The following PTPRD variants were observed in gnomAD, a reference collection of about 807,000 sequenced individuals.
PTPRD encodes protein tyrosine phosphatase receptor type D.
PTPRD carries 34 observed loss-of-function variants against 214.5 expected under a neutral mutation model. The ratio of observed to expected loss-of-function variants is 0.16; its 90% confidence interval spans 0.12 to 0.21. The LOEUF (loss-of-function observed/expected upper bound fraction) is 0.21. Ranked by LOEUF, PTPRD falls within the 10% of genes least tolerant of loss-of-function variation. The probability of loss-of-function intolerance (pLI) is 1.00; values close to 1 mark genes in which losing one functional copy is unlikely to be tolerated. For missense variants in PTPRD, 2,545 were observed against 2,398.7 expected, an observed-to-expected ratio of 1.06 and a Z score of -1.27; for synonymous variants, 1,128 against 845.7, an observed-to-expected ratio of 1.33 and a Z score of -5.79.
At chr9:10,416,484 A>C (rs6474546) in intron 2 of PTPRD, among the ~76,000 whole-genome samples, 85,490 of 151,490 alleles carry the variant, frequency 0.56, 26,354 homozygotes, top group Non-Finnish European at 0.71. Context: ...AACAAATGTT[A>C]AAAGAAATAG....
At chr9:9,429,956 G>A (rs548424768) in intron 8 of PTPRD, among the ~76,000 whole-genome samples, 20 of 152,250 alleles carry the variant, frequency 1.3e-4, no homozygotes, top group Admixed American at 1.2e-3. Context: ...TACTGAATGG[G>A]CAAAAACTGG....
In PTPRD at chr9:10,097,218, C is replaced by T. The variant is rs560532739; in HGVS notation, c.-544-63428G>A. 2.7e-5 allele frequency among the ~76,000 whole-genome samples: 4 copies of T among 149,220 alleles called. No homozygotes were observed. In the East Asian group the frequency reaches 6.0e-4, roughly 22 times the overall value. On this transcript the variant is annotated intron_variant, in intron 3 of 45. Coordinates refer to ENST00000381196, the MANE Select transcript of PTPRD (RefSeq NM_002839.4). ...TTGGCTTAGGATTGACTTGGTAATG[C>T]GGGCTCTTTTTTGGTTCCATATGAA...
At chr9:9,739,277 A>T (rs1339098485) in intron 6 of PTPRD, among the ~76,000 whole-genome samples, 2 of 152,220 alleles carry the variant, frequency 1.3e-5, no homozygotes, top group African/African-American at 4.8e-5. Flanking sequence ...AACCACTGCT[A>T]CTAAGTGTGA....
intron 11 of PTPRD, among the ~76,000 whole-genome samples, chr9:8,973,504 T>C (rs1374926991): frequency 2.0e-5 from 3 of 152,132 alleles, no homozygotes; most frequent in African/African-American, 7.2e-5. Context: ...TTTGCCATTA[T>C]GAATTGTGTT....
intron 2 of PTPRD, among the ~76,000 whole-genome samples, chr9:10,346,414 A>G (rs2097082917): frequency 6.6e-6 from 1 of 152,210 alleles, no homozygotes; most frequent in Non-Finnish European, 1.5e-5. Context: ...ATTGACACAT[A>G]AAGTATGAGG....
chr9:9,029,956 T>C (rs1005495237), intron 10 of PTPRD, among the ~76,000 whole-genome samples: 4 of 151,958 alleles, frequency 2.6e-5, no homozygotes, highest in African/African-American at 9.7e-5. Context: ...TCAATGGCAA[T>C]TCTTTGATGC....
chr9:9,311,460 A>G (rs1958981026), intron 9 of PTPRD, among the ~76,000 whole-genome samples: 1 of 152,216 alleles, frequency 6.6e-6, no homozygotes, highest in Admixed American at 6.5e-5. Context: ...ACACAAGGCT[A>G]CTGCTCCAAT....
intron 3 of PTPRD, among the ~76,000 whole-genome samples, chr9:10,282,013 A>G (rs2095139828): frequency 6.6e-6 from 1 of 151,842 alleles, no homozygotes; most frequent in Non-Finnish European, 1.5e-5. Flanking sequence ...GTGCAAAGTA[A>G]GCCTTTGATG....
chr9:9,443,746 G>A (rs1340964532), intron 8 of PTPRD, among the ~76,000 whole-genome samples: 3 of 152,094 alleles, frequency 2.0e-5, no homozygotes, highest in African/African-American at 7.2e-5. Context: ...GTTCCCAACT[G>A]ATCTAGTTGG....
chr9:10,022,781 G>A (rs1201217962), intron 4 of PTPRD, among the ~76,000 whole-genome samples: 3 of 152,160 alleles, frequency 2.0e-5, no homozygotes, highest in East Asian at 1.9e-4. Flanking sequence ...GAGCCAAAAT[G>A]CTGAATTCCC....
chr9:9,075,493 T>G (rs956844709), intron 10 of PTPRD, among the ~76,000 whole-genome samples: 1 of 152,200 alleles, frequency 6.6e-6, no homozygotes, highest in Admixed American at 6.5e-5. Flanking sequence ...ACATGTGTCA[T>G]GTTGATGTGC....
At chr9:9,903,676 G>A (rs79826317) in intron 5 of PTPRD, among the ~76,000 whole-genome samples, 1,945 of 152,110 alleles carry the variant, frequency 0.013, 56 homozygotes, top group African/African-American at 0.044. Flanking sequence ...CTCTGTGGAC[G>A]TCCACAGTTT....
intron 11 of PTPRD, among the ~76,000 whole-genome samples, chr9:8,883,033 C>G (rs910393067): frequency 6.6e-6 from 1 of 152,050 alleles, no homozygotes; most frequent in African/African-American, 2.4e-5. Flanking sequence ...TTTTTCCCCC[C>G]ACAGTGAATA....
intron 11 of PTPRD, among the ~76,000 whole-genome samples, chr9:8,995,427 C>T (rs911491190): frequency 7.2e-5 from 11 of 151,984 alleles, no homozygotes; most frequent in African/African-American, 1.9e-4. Context: ...CATTGAAACT[C>T]GCTGCTGGGA....
chr9:9,903,347 A>G (rs1291051059), intron 5 of PTPRD, among the ~76,000 whole-genome samples: 1 of 152,170 alleles, frequency 6.6e-6, no homozygotes, highest in Non-Finnish European at 1.5e-5. Context: ...GCACTCTAAC[A>G]AAAATTGTCA....
chr9:8,504,654 A>G (rs1429036211), intron 22 of PTPRD, among the ~76,000 whole-genome samples: 2 of 152,228 alleles, frequency 1.3e-5, no homozygotes, highest in Non-Finnish European at 2.9e-5. Context: ...ATGTTGACAC[A>G]GTCAGCCAAA....
intron 8 of PTPRD, among the ~76,000 whole-genome samples, chr9:9,440,790 A>G (rs895708453): frequency 6.6e-6 from 1 of 152,244 alleles, no homozygotes; most frequent in African/African-American, 2.4e-5. Flanking sequence ...AATTGTTTCA[A>G]TCGCAATAAT....
chr9:8,410,983 TTA>T (rs1217243568), intron 35 of PTPRD, among the ~76,000 whole-genome samples: 1 of 149,858 alleles, frequency 6.7e-6, no homozygotes, highest in African/African-American at 2.4e-5. Flanking sequence ...TAAAGATGAA[TTA>T]GTTTATTTCA....
At position 8,317,163 on chromosome 9, in the gene PTPRD, C is replaced by CAA; in HGVS notation, c.*709_*710dup. On this transcript the variant is annotated 3_prime_UTR_variant, in exon 46 of 46. Coordinates refer to ENST00000381196, the MANE Select transcript of PTPRD (RefSeq NM_002839.4). Reference sequence around the variant, plus strand: ...AGATTGAGTTTTGCACAAAAATGTGCAAATTTTCAAATGATTTGATATTTC... The same window carrying CAA: ...AGATTGAGTTTTGCACAAAAATGTGCAAAAATTTTCAAATGATTTGATATTTC... The CAA allele has an allele frequency of 4.3e-6, 1 of 231,592 alleles. No homozygotes were observed. Among genetic ancestry groups the CAA allele is most frequent in the Non-Finnish European group, 8.6e-6 (1 of 116,882 alleles). 14.3% of individuals were successfully genotyped at this position (231,592 alleles called of 1,614,324 possible). A position where few individuals can be genotyped will look rare whatever the true frequency, so the allele number is the denominator to read the frequency against.
Sources: allele counts gnomAD v4.1 joint callset (sites outside exome capture counted in the v4.1 genomes callset), GRCh38; gene constraint gnomAD v4.1.1; transcripts MANE v1.5; gene names NCBI Gene and HGNC (gene_info 2026-07-23, HGNC 2026-07-21).